Variants in HDLBP observed in about 807,000 individuals in gnomAD.
HDLBP encodes the protein high density lipoprotein binding protein, also known as vigilin.
HDLBP carries 30 observed loss-of-function variants against 137.3 expected under a neutral mutation model. The observed-to-expected ratio is 0.22, with a 90% CI of 0.16 to 0.30. HDLBP has a LOEUF of 0.30. HDLBP is among the 10% of genes least tolerant of loss of function. HDLBP has a pLI of 1.00. For missense variants in HDLBP, 1,119 were observed against 1,667.3 expected, an observed-to-expected ratio of 0.67 and a Z score of 5.73; for synonymous variants, 606 against 596.0, an observed-to-expected ratio of 1.02 and a Z score of -0.24.
At chr2:241,236,328 AC>A in intron 21 of HDLBP, 1 of 441,016 alleles carries the variant, frequency 2.3e-6, no homozygotes, top group Non-Finnish European at 4.1e-6. Context: ...TGCAGCTGAG[AC>A]CCTTCCACAG....
At chr2:241,307,589 A>C (rs2075624165) in intron 1 of HDLBP, among the ~76,000 whole-genome samples, 1 of 152,212 alleles carries the variant, frequency 6.6e-6, no homozygotes, top group African/African-American at 2.4e-5. Context: ...CAATGTAAAA[A>C]CTGGCAACCC....
chr2:241,282,982 A>G (rs6724257), intron 1 of HDLBP, among the ~76,000 whole-genome samples: 48,981 of 152,138 alleles, frequency 0.32, 8,592 homozygotes, highest in East Asian at 0.51. Context: ...GTTAAAAGCT[A>G]AGACACGCCA....
At chr2:241,234,309 C>T (rs1438553889) in intron 23 of HDLBP, among the ~76,000 whole-genome samples, 4 of 152,200 alleles carry the variant, frequency 2.6e-5, no homozygotes, top group Non-Finnish European at 4.4e-5. Context: ...CTGATGGATA[C>T]GCACAGAAAT....
intron 1 of HDLBP, among the ~76,000 whole-genome samples, chr2:241,298,068 AAAAAAAAAAAAAAAG>A (rs2075251146): frequency 2.8e-5 from 4 of 144,670 alleles, no homozygotes; most frequent in Non-Finnish European, 6.1e-5. Flanking sequence ...AAAAAAAAAA[AAAAAAAAAAAAAAAG>A]GGCCAGGCAT....
chr2:241,255,893 A>T (rs889631855), intron 7 of HDLBP, among the ~76,000 whole-genome samples: 3 of 152,242 alleles, frequency 2.0e-5, no homozygotes, highest in Non-Finnish European at 1.5e-5. Context: ...CTAACAGCTT[A>T]ATCTAAGACG....
intron 12 of HDLBP, chr2:241,249,473 G>C (rs1157742713): frequency 2.0e-6 from 1 of 491,130 alleles, no homozygotes; most frequent in African/African-American, 2.0e-5. Context: ...CAGGTTTGCA[G>C]TGATCCTCGA....
rs373902843 is a variant in HDLBP at position 241,239,877 on chromosome 2, C to T, written c.2391+24G>A. 3.9e-5 allele frequency: 63 copies of T among 1,612,424 alleles called. No homozygotes were observed. In the Middle Eastern group the frequency reaches 6.6e-4, roughly 17 times the overall value. On this transcript the variant is annotated intron_variant, in intron 18 of 27. Transcript: ENST00000310931. The surrounding 1 kb of genome is among the most constrained non-coding windows in gnomAD (Gnocchi z 4.6). ...CACCCCATCACGGCCCCAGCAGAGT[C>T]GGCCGCCGAGGCCCGCTCCCTACCA...
intron 15 of HDLBP, 42 bp downstream of exon 15, chr2:241,247,014 G>T: frequency 6.4e-7 from 1 of 1,568,280 alleles, no homozygotes; most frequent in Non-Finnish European, 8.8e-7. Context: ...GGCTACAGAG[G>T]ACAAGGCAAG....
Position 241,238,540 on chromosome 2 carries a change from G to T in HDLBP, c.2749+109C>A. ...TGGAAGCCCCCAGAATACATAGATG[G>T]TTTTCCAGCAGAGACAGGAAAGAGC... On this transcript the variant is annotated intron_variant, in intron 20 of 27. Transcript: ENST00000310931. The surrounding 1 kb of genome is among the most constrained non-coding windows in gnomAD (Gnocchi z 4.9). The T allele has an allele frequency of 1.1e-6, 1 of 906,012 alleles. No individual in the cohort carries two copies. The highest frequency in any genetic ancestry group is 1.6e-6 in the Non-Finnish European group (1 of 627,826). The allele number at this position is 906,012 out of a possible 1,614,324, so 56.1% of individuals were successfully genotyped here.
chr2:241,310,558 TAA>T (rs1276033240), intron 1 of HDLBP, among the ~76,000 whole-genome samples: 1 of 152,008 alleles, frequency 6.6e-6, no homozygotes, highest in Non-Finnish European at 1.5e-5. Context: ...ATTTACAATT[TAA>T]AAGATAAAAA....
intron 1 of HDLBP, among the ~76,000 whole-genome samples, chr2:241,284,953 T>C (rs2074748653): frequency 1.3e-5 from 2 of 152,252 alleles, no homozygotes; most frequent in Admixed American, 1.3e-4. Context: ...TGATCTTGGC[T>C]TACTGCAACC....
chr2:241,280,330 T>C (rs1043244627), intron 1 of HDLBP, among the ~76,000 whole-genome samples: 1 of 152,212 alleles, frequency 6.6e-6, no homozygotes, highest in African/African-American at 2.4e-5. Flanking sequence ...TTGGCTCACA[T>C]GTATTTACTG....
chr2:241,255,714 G>A lies in HDLBP; in HGVS notation c.874-134C>T, dbSNP rs2072560738. 4.3e-6 allele frequency: 3 copies of A among 695,000 alleles called. No individual in the cohort carries two copies. The East Asian group carries it at 7.9e-5, about 18-fold the overall frequency. 43.1% of individuals were successfully genotyped at this position (695,000 alleles called of 1,614,324 possible). ...GCTGATCCCAAGAAGTGAACAACAA[G>A]TGATCAGGACTAGCCAATCCCCAGA... On this transcript the variant is annotated intron_variant, in intron 7 of 27. Coordinates refer to ENST00000310931, the MANE Select transcript of HDLBP (RefSeq NM_005336.6).
chr2:241,241,914 C>G (rs2071276280), intron 17 of HDLBP, among the ~76,000 whole-genome samples: 1 of 152,206 alleles, frequency 6.6e-6, no homozygotes, highest in Non-Finnish European at 1.5e-5. Flanking sequence ...CAATCCCAAT[C>G]AAAACGTGAA....
At chr2:241,290,397 G>T (rs1221365694) in intron 1 of HDLBP, among the ~76,000 whole-genome samples, 3 of 152,108 alleles carry the variant, frequency 2.0e-5, no homozygotes, top group African/African-American at 7.2e-5. Flanking sequence ...GATTACCTGA[G>T]GTCGGGAGTT....
At chr2:241,231,175 C>T (rs111823566) in intron 24 of HDLBP, 30 of 454,430 alleles carry the variant, frequency 6.6e-5, no homozygotes, top group African/African-American at 2.0e-4. Context: ...ACCTGAGGTC[C>T]GGAATTCGTG....
Position 241,229,615 on chromosome 2 carries a change from C to T in HDLBP, c.3793G>A (p.Gly1265Ser). Residue 1265 changes from glycine to serine, a missense_variant, in exon 28 of 28, where the codon GGC becomes AGC. Physicochemically the swap from Gly to Ser is moderately conservative, Grantham distance 56. Coordinates refer to ENST00000310931, the MANE Select transcript of HDLBP (RefSeq NM_005336.6). ...CTTTTTGATCATTATCGTTTGGGGC[C>T]CCAAGGGAGGGTCTTGGGAGCCACC... ...AQVAPKTLPWGPKR is the reference protein window; with the variant it reads ...AQVAPKTLPWSPKR The T allele has an allele frequency of 6.2e-7, 1 of 1,613,738 alleles. No homozygotes were observed. The highest frequency in any genetic ancestry group is 8.5e-7 in the Non-Finnish European group (1 of 1,179,750).
chr2:241,248,380 T>C, intron 12 of HDLBP, 32 bp from the exon 13 acceptor site: 1 of 1,550,520 alleles, frequency 6.4e-7, no homozygotes, highest in Non-Finnish European at 8.9e-7. Context: ...ATGTCATTTA[T>C]CACAAGCACG....
At chr2:241,314,157 C>T (rs1474159705) in intron 1 of HDLBP, among the ~76,000 whole-genome samples, 1 of 152,194 alleles carries the variant, frequency 6.6e-6, no homozygotes. Flanking sequence ...CTTACCCAAA[C>T]ACCTTTTCAA....
Sources: gnomAD v4.1 joint callset for allele counts (sites outside exome capture counted in the v4.1 genomes callset) on GRCh38, gnomAD v4.1.1 for gene constraint, Gnocchi (gnomAD v3.1) non-coding constraint, MANE v1.5 for transcripts, NCBI Gene and HGNC (gene_info 2026-07-23, HGNC 2026-07-21) for gene names.